FAM135B: variants seen among roughly 807,000 people sequenced by gnomAD.
FAM135B encodes family with sequence similarity 135 member B, also known as protein FAM135B.
FAM135B carries 43 observed loss-of-function variants against 127.7 expected under a neutral mutation model. That is an observed-to-expected ratio of 0.34 (90% CI 0.26 to 0.43). The LOEUF (loss-of-function observed/expected upper bound fraction) is 0.43. Among genes scored for constraint, FAM135B ranks in the 20% least tolerant of loss-of-function variants. FAM135B has a pLI of 1.00. For missense variants in FAM135B, 1,558 were observed against 1,725.6 expected (o/e 0.90, Z 1.72); for synonymous variants, 670 against 665.1 (o/e 1.01, Z -0.11).
intron 1 of FAM135B, among the ~76,000 whole-genome samples, chr8:138,471,754 C>T (rs1206923002): frequency 6.6e-6 from 1 of 151,974 alleles, no homozygotes; most frequent in Non-Finnish European, 1.5e-5. Context: ...TTGCATTTAC[C>T]ATAAAAACAT....
intron 1 of FAM135B, among the ~76,000 whole-genome samples, chr8:138,433,248 C>T (rs1259538496): frequency 1.3e-5 from 2 of 152,012 alleles, no homozygotes; most frequent in African/African-American, 2.4e-5. Context: ...AGGCCGGGCA[C>T]GGTGGCTCAT....
intron 1 of FAM135B, among the ~76,000 whole-genome samples, chr8:138,427,783 C>T (rs1004768452): frequency 6.6e-6 from 1 of 152,116 alleles, no homozygotes. Flanking sequence ...TAACATCATT[C>T]CCTGATCATT....
In FAM135B at chr8:138,332,731, C is replaced by T. The variant is rs575254080; in HGVS notation, c.78-21811G>A. Among the ~76,000 whole-genome samples, 537 of 152,056 alleles carry T rather than the reference C, an allele frequency of 3.5e-3. 4 individuals carry two copies. The highest frequency in any genetic ancestry group is 5.0e-3 in the Non-Finnish European group (340 of 67,982). The stretch of plus-strand genomic sequence containing the variant: ...AACCCGGGCAGGATTTAGGGGCCTA[C>T]GCAACTCTAAACCATTTTGACATGA... On this transcript the variant is annotated intron_variant, in intron 2 of 19. Transcript: ENST00000395297.
intron 1 of FAM135B, chr8:138,459,223 A>G (rs1333650120): frequency 1.3e-5 from 2 of 152,192 alleles, no homozygotes; most frequent in Non-Finnish European, 2.9e-5. Context: ...AGTAGCCTCC[A>G]AAAGTGTCAG....
chr8:138,168,619 ATTCT>A (rs1436063849), intron 11 of FAM135B, among the ~76,000 whole-genome samples: 1 of 152,182 alleles, frequency 6.6e-6, no homozygotes. Flanking sequence ...AATGTCCCAT[ATTCT>A]TTCTTTATGA....
chr8:138,142,116 A>C (rs1428559424), intron 16 of FAM135B, among the ~76,000 whole-genome samples: 1 of 152,102 alleles, frequency 6.6e-6, no homozygotes, highest in Non-Finnish European at 1.5e-5. Context: ...TATGAAGACT[A>C]AATGGGATAA....
At chr8:138,488,385 C>A (rs1415292947) in intron 1 of FAM135B, among the ~76,000 whole-genome samples, 1 of 151,508 alleles carries the variant, frequency 6.6e-6, no homozygotes, top group African/African-American at 2.4e-5. Context: ...ACCGATGCAT[C>A]TCTACTATTT....
intron 2 of FAM135B, among the ~76,000 whole-genome samples, chr8:138,341,222 C>T (rs568698170): frequency 2.7e-4 from 41 of 152,324 alleles, no homozygotes; most frequent in African/African-American, 9.6e-4. Context: ...GAACAGTATT[C>T]AGCCTTAAAA....
At chr8:138,345,869 T>C (rs1829373564) in intron 2 of FAM135B, among the ~76,000 whole-genome samples, 1 of 152,228 alleles carries the variant, frequency 6.6e-6, no homozygotes, top group Non-Finnish European at 1.5e-5. Flanking sequence ...AGGACTTGCC[T>C]GTGTTCTATG....
intron 1 of FAM135B, among the ~76,000 whole-genome samples, chr8:138,475,236 C>T (rs1587541598): frequency 6.6e-6 from 1 of 152,208 alleles, no homozygotes; most frequent in East Asian, 1.9e-4. Context: ...TTCTCCCTGA[C>T]CCCTTGCAAG....
intron 8 of FAM135B, among the ~76,000 whole-genome samples, chr8:138,195,940 C>T (rs1362172865): frequency 6.6e-6 from 1 of 152,198 alleles, no homozygotes; most frequent in Non-Finnish European, 1.5e-5. Context: ...TTAAAGCATG[C>T]TTGCCTAGCT....
rs150976840 is a variant in FAM135B, at chr8:138,463,934, C to T, written c.-20+32737G>A. 3.9e-5 allele frequency among the ~76,000 whole-genome samples: 6 copies of T among 152,300 alleles called. No individual in the cohort carries two copies. The East Asian group carries it at 1.2e-3, about 29-fold the overall frequency. Reference sequence around the variant, plus strand: ...AACATGTATAGGGCACTTAAAATAGCAAGTATGCTGCATTTTTGAGTTGTA... The same window carrying T: ...AACATGTATAGGGCACTTAAAATAGTAAGTATGCTGCATTTTTGAGTTGTA... On this transcript the variant is annotated intron_variant, in intron 1 of 19. Transcript: ENST00000395297.
At chr8:138,367,553 C>T (rs1257525124) in intron 2 of FAM135B, 4 of 430,166 alleles carry the variant, frequency 9.3e-6, no homozygotes, top group South Asian at 1.9e-5. Flanking sequence ...CAGTATTGAA[C>T]ACACTGACTC....
intron 1 of FAM135B, among the ~76,000 whole-genome samples, chr8:138,410,008 C>T (rs1489887448): frequency 6.6e-6 from 1 of 151,910 alleles, no homozygotes; most frequent in African/African-American, 2.4e-5. Flanking sequence ...TCTAAACTGT[C>T]ATTGCATTGC....
chr8:138,330,889 C>T (rs999156708), intron 2 of FAM135B, among the ~76,000 whole-genome samples: 1 of 151,384 alleles, frequency 6.6e-6, no homozygotes, highest in Admixed American at 6.6e-5. Flanking sequence ...GTTGCCCAGG[C>T]TGGAGTACAG....
intron 1 of FAM135B, among the ~76,000 whole-genome samples, chr8:138,435,171 G>A (rs191737533): frequency 2.6e-5 from 4 of 152,148 alleles, no homozygotes; most frequent in East Asian, 1.9e-4. Flanking sequence ...CGTGGCAGGC[G>A]CCTGTAATCC....
rs891105069 is a variant in FAM135B at position 138,488,332 on chromosome 8, G to T, written c.-20+8339C>A. On this transcript the variant is annotated intron_variant, in intron 1 of 19. Coordinates refer to ENST00000395297, the MANE Select transcript of FAM135B (RefSeq NM_015912.4). ...ATGAGTACAGCAAAGTCCTTGCACC[G>T]GGGAGGTCACATCTTGCAGAGGAGA... Among the ~76,000 whole-genome samples the T allele has an allele frequency of 2.6e-4, 40 of 152,290 alleles. 1 individual carries two copies. The highest frequency in any genetic ancestry group is 1.5e-3 in the East Asian group (8 of 5,170).
chr8:138,219,205 T>G (rs992253936), intron 7 of FAM135B, among the ~76,000 whole-genome samples: 7 of 152,210 alleles, frequency 4.6e-5, no homozygotes, highest in African/African-American at 1.4e-4. Flanking sequence ...AACTGTAAAA[T>G]ATATTCAATT....
rs1281968684 is a variant in FAM135B at position 138,152,770 on chromosome 8, G to C, written c.1705C>G (p.Leu569Val). 1 of 1,614,206 alleles carries C rather than the reference G, an allele frequency of 6.2e-7. No homozygotes were observed. Among genetic ancestry groups the C allele is most frequent in the Non-Finnish European group, 8.5e-7 (1 of 1,180,042 alleles). The change falls in exon 13 of 20, where the codon CTG becomes GTG. Residue 569 changes from leucine (L) to valine (V), a missense_variant. Physicochemically the swap from Leu to Val is conservative, Grantham distance 32 (BLOSUM62 1). Coordinates refer to ENST00000395297, the MANE Select transcript of FAM135B (RefSeq NM_015912.4). ...TCATGCTGAGCATTGAAGGCCACCA[G>C]GGGTTCAGCTCTGGAGGGGTTCTTA... Reference protein sequence around the residue: ...SNKNPSRAEPLVAFNAQHESR... With the variant: ...SNKNPSRAEPVVAFNAQHESR...
Sources: gnomAD v4.1 joint callset for allele counts (sites outside exome capture counted in the v4.1 genomes callset) on GRCh38, gnomAD v4.1.1 for gene constraint, MANE v1.5 for transcripts, NCBI Gene and HGNC (gene_info 2026-07-23, HGNC 2026-07-21) for gene names.